Variants in DLG2 observed in about 807,000 individuals in gnomAD.
The protein encoded by DLG2 is disks large homolog 2.
Under a neutral mutation model 132.5 loss-of-function variants are expected in DLG2, and 45 were observed. The observed-to-expected ratio is 0.34, with a 90% CI of 0.27 to 0.44. The LOEUF is 0.44. Ranked by LOEUF, DLG2 falls within the 20% of genes least tolerant of loss-of-function variation. The pLI, the probability that DLG2 is intolerant of heterozygous loss-of-function variation, is 1.00. For synonymous variants in DLG2, 424 were observed against 419.6 expected (o/e 1.01, Z -0.13); for missense variants, 1,045 against 1,196.9 (o/e 0.87, Z 1.87).
chr11:84,690,602 T>G (rs549999181), intron 6 of DLG2, among the ~76,000 whole-genome samples: 16 of 152,070 alleles, frequency 1.1e-4, no homozygotes, highest in African/African-American at 3.9e-4. Context: ...TATGTATCAC[T>G]TAATGGCAGC....
intron 7 of DLG2, among the ~76,000 whole-genome samples, chr11:84,343,040 T>C (rs547847574): frequency 3.3e-5 from 5 of 152,162 alleles, no homozygotes; most frequent in Admixed American, 2.6e-4. Flanking sequence ...TACCAAAAAA[T>C]AATGACAATA....
At chr11:84,717,729 C>A (rs2061382761) in intron 6 of DLG2, among the ~76,000 whole-genome samples, 1 of 152,022 alleles carries the variant, frequency 6.6e-6, no homozygotes, top group Non-Finnish European at 1.5e-5. Context: ...GGAGCAGTTT[C>A]TCCTATAAGT....
chr11:85,514,258 G>GT (rs1005381188), intron 3 of DLG2, among the ~76,000 whole-genome samples: 5 of 151,990 alleles, frequency 3.3e-5, no homozygotes, highest in African/African-American at 1.2e-4. Flanking sequence ...ATGCAGAAAT[G>GT]TAAGGCTCCT....
chr11:83,487,087 A>C (rs1160526297), intron 21 of DLG2, among the ~76,000 whole-genome samples: 11 of 152,176 alleles, frequency 7.2e-5, no homozygotes, highest in African/African-American at 2.6e-4. Context: ...TTCTGAAGCA[A>C]CTGATGGCTG....
chr11:84,198,153 A>C (rs2096546588), intron 8 of DLG2, among the ~76,000 whole-genome samples: 1 of 150,618 alleles, frequency 6.6e-6, no homozygotes, highest in Non-Finnish European at 1.5e-5. Context: ...CACTCTATGA[A>C]GTAAATACCA....
At chr11:85,542,499 T>A (rs546984712) in intron 3 of DLG2, among the ~76,000 whole-genome samples, 3 of 152,218 alleles carry the variant, frequency 2.0e-5, no homozygotes, top group Non-Finnish European at 4.4e-5. Context: ...GAGTAAGGCT[T>A]CATCTTTTAA....
rs777390996 is a variant in DLG2, at chr11:85,157,848, A to AC, written c.187-3198dup. Among the ~76,000 whole-genome samples the AC allele has an allele frequency of 3.9e-4, 59 of 152,254 alleles. 1 individual carries two copies. Among genetic ancestry groups the AC allele is most frequent in the Middle Eastern group, 3.4e-3 (1 of 294 alleles). ...GGGAACACTGAGTTTGTAAACTCTG[A>AC]CGAAGCTTTTTTTGCCAGAAGAAAC... On this transcript the variant is annotated intron_variant, in intron 4 of 27. Coordinates refer to ENST00000376104, the MANE Select transcript of DLG2 (RefSeq NM_001142699.3).
intron 5 of DLG2, among the ~76,000 whole-genome samples, chr11:85,115,762 C>CA (rs1363557124): frequency 6.6e-6 from 1 of 151,896 alleles, no homozygotes; most frequent in Non-Finnish European, 1.5e-5. Flanking sequence ...TCTGATAGTG[C>CA]AAAGTAAAGA....
At chr11:84,490,740 A>C (rs542696687) in intron 7 of DLG2, among the ~76,000 whole-genome samples, 1 of 152,144 alleles carries the variant, frequency 6.6e-6, no homozygotes, top group South Asian at 2.1e-4. Flanking sequence ...AAGGATAAGA[A>C]ACATATGAAC....
intron 10 of DLG2, among the ~76,000 whole-genome samples, chr11:84,087,750 G>A (rs955641567): frequency 6.6e-6 from 1 of 152,180 alleles, no homozygotes. Context: ...AAGTGATTCA[G>A]ATGGCCTTTT....
chr11:84,461,568 C>T (rs1041633680), intron 7 of DLG2, among the ~76,000 whole-genome samples: 1 of 150,810 alleles, frequency 6.6e-6, no homozygotes, highest in Admixed American at 6.6e-5. Flanking sequence ...GGCAGTAATA[C>T]AAAAATGTTT....
At chr11:84,502,041 C>T (rs539726416) in intron 7 of DLG2, among the ~76,000 whole-genome samples, 1 of 151,882 alleles carries the variant, frequency 6.6e-6, no homozygotes, top group Non-Finnish European at 1.5e-5. Flanking sequence ...CTTTTCTTTG[C>T]CTTTCTTTTC....
At chr11:85,290,647 T>C (rs1489469175) in intron 3 of DLG2, among the ~76,000 whole-genome samples, 1 of 152,106 alleles carries the variant, frequency 6.6e-6, no homozygotes, top group Non-Finnish European at 1.5e-5. Flanking sequence ...ATGGATATTA[T>C]TGACTAAACT....
chr11:84,822,815 G>A (rs956670564), intron 6 of DLG2, among the ~76,000 whole-genome samples: 40 of 151,956 alleles, frequency 2.6e-4, no homozygotes, highest in Non-Finnish European at 3.5e-4. Flanking sequence ...ATGGGTAAAA[G>A]GTACTGTTAT....
At chr11:83,469,501 G>A (rs2091712528) in intron 24 of DLG2, 128 bp from the exon 25 acceptor site, 2 of 678,452 alleles carry the variant, frequency 2.9e-6, no homozygotes, top group African/African-American at 3.7e-5. Flanking sequence ...ATATGACATA[G>A]TAACAGGTAC....
chr11:85,424,049 G>A lies in DLG2; in HGVS notation c.41-138684C>T, dbSNP rs111907453. Among the ~76,000 whole-genome samples, 962 of 152,168 alleles carry A rather than the reference G, an allele frequency of 6.3e-3. 9 individuals are homozygous for A. Among genetic ancestry groups the A allele is most frequent in the African/African-American group, 0.022 (893 of 41,494 alleles). On this transcript the variant is annotated intron_variant, in intron 3 of 27. Coordinates refer to ENST00000376104, the MANE Select transcript of DLG2 (RefSeq NM_001142699.3). ...AGTGCCTCTGGCCAACCTCCCAAAG[G>A]ACCCCATGAGGCCAGGCAAAAATGG...
Position 83,699,640 on chromosome 11 carries a change from G to A in DLG2, c.1826-66315C>T, listed in dbSNP as rs2082533223. The stretch of plus-strand genomic sequence containing the variant: ...CAGGAGAATGGAGTGAACCCAGGAG[G>A]TGGAGCCTGCAGTGAGCAGAGATCA... On this transcript the variant is annotated intron_variant, in intron 18 of 27. Coordinates refer to ENST00000376104, the MANE Select transcript of DLG2 (RefSeq NM_001142699.3). 2.6e-5 allele frequency among the ~76,000 whole-genome samples: 4 copies of A among 151,310 alleles called. No individual in the cohort carries two copies. In the South Asian group the frequency reaches 8.3e-4, roughly 32 times the overall value.
At chr11:84,611,003 AC>A (rs1472792071) in intron 6 of DLG2, among the ~76,000 whole-genome samples, 2 of 146,502 alleles carry the variant, frequency 1.4e-5, no homozygotes, top group East Asian at 2.0e-4. Context: ...GGATATGTGT[AC>A]CACTGTCTGT....
At chr11:84,678,639 G>C (rs2099721000) in intron 6 of DLG2, among the ~76,000 whole-genome samples, 1 of 152,034 alleles carries the variant, frequency 6.6e-6, no homozygotes, top group Non-Finnish European at 1.5e-5. Context: ...GGCACATAAT[G>C]ATCACTGAAA....
Sources: gnomAD v4.1 joint callset for allele counts (sites outside exome capture counted in the v4.1 genomes callset) on GRCh38, gnomAD v4.1.1 for gene constraint, MANE v1.5 for transcripts, NCBI Gene and HGNC (gene_info 2026-07-23, HGNC 2026-07-21) for gene names.